ZMAT4: variants seen among roughly 807,000 people sequenced by gnomAD.
ZMAT4 encodes zinc finger matrin-type protein 4.
A neutral mutation model predicts 28.7 loss-of-function variants in ZMAT4; 17 were observed. That is an observed-to-expected ratio of 0.59 (90% CI 0.41 to 0.89). The LOEUF (loss-of-function observed/expected upper bound fraction) is 0.89. Among genes scored for constraint, ZMAT4 ranks in the 40% least tolerant of loss-of-function variants. The pLI is 0.00. For missense variants in ZMAT4, 240 were observed against 283.8 expected, an observed-to-expected ratio of 0.85 and a Z score of 1.11; for synonymous variants, 117 against 109.2, an observed-to-expected ratio of 1.07 and a Z score of -0.44.
At chr8:40,749,464 A>T (rs894650501) in intron 3 of ZMAT4, among the ~76,000 whole-genome samples, 7 of 152,132 alleles carry the variant, frequency 4.6e-5, no homozygotes, top group African/African-American at 1.4e-4. Flanking sequence ...AAAGCCTATG[A>T]CCTCTCTTTT....
rs565681007 is a variant in ZMAT4 at position 40,724,102 on chromosome 8, C to A, written c.193-26701G>T. On this transcript the variant is annotated intron_variant, in intron 3 of 6. Transcript: ENST00000297737. Reference sequence around the variant, plus strand: ...TCCTTTGGGCTTGTTCTTCCCACTGCACTTAGATTTCTCTGCACAAAAGAC... The same window carrying A: ...TCCTTTGGGCTTGTTCTTCCCACTGAACTTAGATTTCTCTGCACAAAAGAC... Among the ~76,000 whole-genome samples, 141 of 152,094 alleles carry A rather than the reference C, an allele frequency of 9.3e-4. 1 individual carries two copies. Among genetic ancestry groups the A allele is most frequent in the African/African-American group, 3.3e-3 (138 of 41,504 alleles).
At chr8:40,893,683 C>T (rs141788632) in intron 1 of ZMAT4, among the ~76,000 whole-genome samples, 7 of 152,254 alleles carry the variant, frequency 4.6e-5, no homozygotes, top group African/African-American at 1.2e-4. Flanking sequence ...TTTAATTTTA[C>T]GTCCGGGGGT....
chr8:40,767,623 G>A lies in ZMAT4; in HGVS notation c.192+18C>T, dbSNP rs761818100. On this transcript the variant is annotated intron_variant, in intron 3 of 6. Transcript: ENST00000297737. ...AGAACAAATCATCTGAGGATATCAC[G>A]TGGTACCAGATACTCACATTTTCTG... 23 of 1,601,688 alleles carry A rather than the reference G, an allele frequency of 1.4e-5. No individual in the cohort carries two copies. The highest frequency in any genetic ancestry group is 1.7e-4 in the Middle Eastern group (1 of 6,016).
At chr8:40,870,466 G>C (rs941981368) in intron 1 of ZMAT4, among the ~76,000 whole-genome samples, 1 of 152,222 alleles carries the variant, frequency 6.6e-6, no homozygotes, top group Non-Finnish European at 1.5e-5. Flanking sequence ...AGGGCAGAGA[G>C]AAGCCATTTT....
intron 5 of ZMAT4, among the ~76,000 whole-genome samples, chr8:40,609,261 G>A (rs538465221): frequency 6.6e-6 from 1 of 152,288 alleles, no homozygotes; most frequent in South Asian, 2.1e-4. Flanking sequence ...ACTCTATAAA[G>A]TATGGGAAAA....
intron 3 of ZMAT4, among the ~76,000 whole-genome samples, chr8:40,745,526 C>T (rs900415583): frequency 6.6e-6 from 1 of 152,154 alleles, no homozygotes; most frequent in Non-Finnish European, 1.5e-5. Flanking sequence ...ATCCTTTACA[C>T]CTTAGTATAA....
At chr8:40,686,170 A>C (rs1333784052) in intron 4 of ZMAT4, among the ~76,000 whole-genome samples, 1 of 152,158 alleles carries the variant, frequency 6.6e-6, no homozygotes, top group South Asian at 2.1e-4. Context: ...CTAATTTTAC[A>C]GGACTATTTT....
rs572445223 is a variant in ZMAT4 at position 40,571,620 on chromosome 8, T to G, written c.674+9545A>C. 2.0e-5 allele frequency among the ~76,000 whole-genome samples: 3 copies of G among 152,248 alleles called. No individual in the cohort carries two copies. The South Asian group carries it at 6.2e-4, about 32-fold the overall frequency. On this transcript the variant is annotated intron_variant, in intron 6 of 6. Transcript: ENST00000297737. The stretch of plus-strand genomic sequence containing the variant: ...CCAGATAGTCCTTAGCTAGAAAGAC[T>G]TGATGACACACCACAAGTCTTACTT...
chr8:40,843,972 C>G (rs1387072888), intron 1 of ZMAT4, among the ~76,000 whole-genome samples: 2 of 152,050 alleles, frequency 1.3e-5, no homozygotes, highest in African/African-American at 4.8e-5. Flanking sequence ...ACACAGTGCA[C>G]CTAGAAAACG....
chr8:40,850,886 A>C (rs557777577), intron 1 of ZMAT4, among the ~76,000 whole-genome samples: 5 of 152,328 alleles, frequency 3.3e-5, no homozygotes, highest in African/African-American at 9.6e-5. Flanking sequence ...TTGAGATTTC[A>C]AAAGGGCTTT....
chr8:40,793,818 C>G (rs762286680), intron 2 of ZMAT4, among the ~76,000 whole-genome samples: 8 of 152,204 alleles, frequency 5.3e-5, no homozygotes, highest in Non-Finnish European at 1.0e-4. Context: ...CTGAATTCCT[C>G]TTGTCACCTT....
intron 5 of ZMAT4, among the ~76,000 whole-genome samples, chr8:40,615,571 C>T (rs2118672650): frequency 6.6e-6 from 1 of 152,312 alleles, no homozygotes; most frequent in East Asian, 1.9e-4. Context: ...ACCAATCAGA[C>T]ATAGATTTGG....
intron 3 of ZMAT4, among the ~76,000 whole-genome samples, chr8:40,701,481 G>T (rs75692523): frequency 6.7e-6 from 1 of 148,814 alleles, no homozygotes; most frequent in African/African-American, 2.5e-5. Flanking sequence ...CTCTAATGAC[G>T]CTGGTGGATA....
Position 40,617,983 on chromosome 8 carries a change from G to A in ZMAT4, c.578-36722C>T, listed in dbSNP as rs762567424. Among the ~76,000 whole-genome samples, 11 of 152,218 alleles carry A rather than the reference G, an allele frequency of 7.2e-5. 1 individual carries two copies. Among genetic ancestry groups the A allele is most frequent in the East Asian group, 3.9e-4 (2 of 5,174 alleles). On this transcript the variant is annotated intron_variant, in intron 5 of 6. Coordinates refer to ENST00000297737, the MANE Select transcript of ZMAT4 (RefSeq NM_024645.3). Reference sequence around the variant, plus strand: ...ATAAATAAGGCACACAGCACAGATCGGACCACTGGAATATTCTCTCAAATT... The same window carrying A: ...ATAAATAAGGCACACAGCACAGATCAGACCACTGGAATATTCTCTCAAATT...
intron 1 of ZMAT4, among the ~76,000 whole-genome samples, chr8:40,836,204 C>T (rs1237685958): frequency 6.6e-6 from 1 of 152,122 alleles, no homozygotes; most frequent in Non-Finnish European, 1.5e-5. Flanking sequence ...GGGAAATTAA[C>T]CATAGAAAGG....
intron 2 of ZMAT4, among the ~76,000 whole-genome samples, chr8:40,824,399 C>T (rs757571907): frequency 3.3e-5 from 5 of 152,078 alleles, no homozygotes; most frequent in Middle Eastern, 3.2e-3. Context: ...GAGCTATGCT[C>T]GTGCCACAGC....
chr8:40,820,468 ATGTG>A (rs1200739803), intron 2 of ZMAT4, among the ~76,000 whole-genome samples: 3 of 143,598 alleles, frequency 2.1e-5, no homozygotes, highest in Non-Finnish European at 3.1e-5. Context: ...CTGGGGGTGT[ATGTG>A]TGTTTATGTG....
At chr8:40,662,667 C>T (rs929660407) in intron 5 of ZMAT4, among the ~76,000 whole-genome samples, 1 of 152,106 alleles carries the variant, frequency 6.6e-6, no homozygotes, top group African/African-American at 2.4e-5. Context: ...TGTAAACACA[C>T]GACTGAGAAT....
intron 1 of ZMAT4, among the ~76,000 whole-genome samples, chr8:40,879,540 G>T (rs1046765702): frequency 2.0e-5 from 3 of 152,188 alleles, no homozygotes; most frequent in Non-Finnish European, 4.4e-5. Context: ...GGGCTTCTAG[G>T]AAATCCATGC....
Sources: gnomAD v4.1 joint callset for allele counts (sites outside exome capture counted in the v4.1 genomes callset) on GRCh38, gnomAD v4.1.1 for gene constraint, MANE v1.5 for transcripts, NCBI Gene and HGNC (gene_info 2026-07-23, HGNC 2026-07-21) for gene names.